Variants in GBP1 observed in about 807,000 individuals in gnomAD.
GBP1 encodes guanylate-binding protein 1.
A neutral mutation model predicts 69.5 loss-of-function variants in GBP1; 64 were observed. The observed-to-expected ratio is 0.92, with a 90% CI of 0.75 to 1.13. The LOEUF (loss-of-function observed/expected upper bound fraction) is 1.13. Among genes scored for constraint, GBP1 ranks in the 50% most tolerant of loss-of-function variants. GBP1 has a pLI of 0.00. For synonymous variants in GBP1, 250 were observed against 261.2 expected, an observed-to-expected ratio of 0.96 and a Z score of 0.41; for missense variants, 630 against 704.1, an observed-to-expected ratio of 0.89 and a Z score of 1.19.
rs568563761 is a variant in GBP1 at position 89,060,561 on chromosome 1, C to CA, written c.191-238dup. 1.4e-3 allele frequency among the ~76,000 whole-genome samples: 218 copies of CA among 152,308 alleles called. 6 individuals carry two copies. In the South Asian group the frequency reaches 0.044, roughly 31 times the overall value. On this transcript the variant is annotated intron_variant, in intron 2 of 10. Coordinates refer to ENST00000370473, the MANE Select transcript of GBP1 (RefSeq NM_002053.3). ...TAGAAATAGAAAGACAGCACCTCAA[C>CA]ATAATAAATGCCATGTATTAAAAAC...
At position 89,054,965 on chromosome 1, in the gene GBP1, T is replaced by C. The variant is rs375821179; in HGVS notation, c.1472-90A>G. 1,063 of 1,473,884 alleles carry C rather than the reference T, an allele frequency of 7.2e-4. 13 individuals are homozygous for C. In the African/African-American group the frequency reaches 0.013, roughly 19 times the overall value. 91.3% of individuals were successfully genotyped at this position (1,473,884 alleles called of 1,614,324 possible). A position where few individuals can be genotyped will look rare whatever the true frequency, so the allele number is the denominator to read the frequency against. On this transcript the variant is annotated intron_variant, in intron 9 of 10. Coordinates refer to ENST00000370473, the MANE Select transcript of GBP1 (RefSeq NM_002053.3). Reference sequence around the variant, plus strand: ...ACACTTACCTGTCGTTGTTGCTGACTGCATATGCCCTACTCAGAGATGACC... The same window carrying C: ...ACACTTACCTGTCGTTGTTGCTGACCGCATATGCCCTACTCAGAGATGACC...
chr1:89,062,934 T>C, intron 2 of GBP1, 111 bp downstream of exon 2: 2 of 1,336,644 alleles, frequency 1.5e-6, no homozygotes, highest in Non-Finnish European at 1.0e-6. Context: ...GAATGGAAAG[T>C]TAGCTTTCAG....
intron 4 of GBP1, 115 bp from the exon 5 acceptor site, chr1:89,059,158 AG>A: frequency 1.3e-6 from 2 of 1,586,850 alleles, no homozygotes; most frequent in Non-Finnish European, 1.7e-6. Context: ...TGTCAGTGTC[AG>A]TTCTAAAGTG....
intron 6 of GBP1, among the ~76,000 whole-genome samples, chr1:89,057,362 G>A (rs548922306): frequency 1.3e-5 from 2 of 152,236 alleles, no homozygotes; most frequent in Admixed American, 1.3e-4. Flanking sequence ...CAACATTTGA[G>A]AGTTCTTGTA....
At chr1:89,062,749 A>G (rs1345137264) in intron 2 of GBP1, 2 of 283,164 alleles carry the variant, frequency 7.1e-6, no homozygotes, top group Non-Finnish European at 6.7e-6. Context: ...TGTAATAAAC[A>G]TTGTATAGTT....
rs771169306 is a variant in GBP1, at chr1:89,057,154, G to A, written c.875-20C>T. ...CTAGACCTGCATATGAAGAACAAAT[G>A]ATAATGTTTCTGGTGGTAAAGAAAG... On this transcript the variant is annotated intron_variant, in intron 6 of 10. Transcript: ENST00000370473. 3 of 1,612,424 alleles carry A rather than the reference G, an allele frequency of 1.9e-6. No homozygotes were observed. In the South Asian group the frequency reaches 3.3e-5, roughly 18 times the overall value.
intron 8 of GBP1, chr1:89,055,664 C>T: frequency 2.6e-6 from 1 of 390,526 alleles, no homozygotes; most frequent in East Asian, 6.0e-5. Context: ...ACCCACCTGA[C>T]CTGTAAAGCC....
intron 6 of GBP1, 77 bp downstream of exon 6, chr1:89,057,915 T>A: frequency 7.0e-7 from 1 of 1,423,884 alleles, no homozygotes; most frequent in Non-Finnish European, 9.5e-7. Flanking sequence ...GATTTTTCAA[T>A]GCTGAAACTA....
chr1:89,058,387 T>C (rs1162527093), intron 5 of GBP1, 153 bp from the exon 6 acceptor site: 6 of 642,854 alleles, frequency 9.3e-6, no homozygotes, highest in Non-Finnish European at 1.6e-5. Context: ...TTAGACAATA[T>C]GTAAATGAAT....
chr1:89,056,373 C>A, intron 7 of GBP1, 145 bp from the exon 8 acceptor site: 1 of 1,378,762 alleles, frequency 7.3e-7, no homozygotes, highest in Non-Finnish European at 9.9e-7. Context: ...ACTCTTCCTT[C>A]TGACCCCACT....
Position 89,054,744 on chromosome 1 carries a change from T to C in GBP1, c.1603A>G (p.Met535Val), listed in dbSNP as rs530577122. 6.8e-6 allele frequency: 11 copies of C among 1,614,226 alleles called. No homozygotes were observed. The highest frequency in any genetic ancestry group is 1.7e-4 in the Middle Eastern group (1 of 6,060). ...AGCAACTGGACCCTGTCGTTCTCCA[T>C]CTTCTCAGTCAGTTGTTTCAAGTGT... is the stretch of plus-strand genomic sequence containing the variant. ...QEHLKQLTEK[M>V]ENDRVQLLKE... is the part of the protein sequence containing the mutation. The change falls in exon 10 of 11, where the codon ATG becomes GTG. Residue 535 changes from methionine (M) to valine (V), a missense_variant. Met to Val is a conservative substitution (Grantham distance 21). Around this residue, in one of 5 missense-constraint regions of GBP1, gnomAD observed 71 missense variants for 72.7 expected, o/e 0.98. Coordinates refer to ENST00000370473, the MANE Select transcript of GBP1 (RefSeq NM_002053.3).
At chr1:89,059,205 T>C in intron 4 of GBP1, 112 bp downstream of exon 4, 5 of 1,606,864 alleles carry the variant, frequency 3.1e-6, no homozygotes, top group Non-Finnish European at 3.4e-6. Flanking sequence ...TTGCATTATT[T>C]TTTGTTTTCT....
At chr1:89,059,274 G>T (rs1293739340) in intron 4 of GBP1, 43 bp downstream of exon 4, 1 of 1,613,992 alleles carries the variant, frequency 6.2e-7, no homozygotes, top group Non-Finnish European at 8.5e-7. Flanking sequence ...GAATACAGGT[G>T]TCCCCTCTGA....
chr1:89,060,359 T>C, intron 2 of GBP1, 35 bp from the exon 3 acceptor site: 1 of 1,513,048 alleles, frequency 6.6e-7, no homozygotes, highest in South Asian at 1.3e-5. Flanking sequence ...GATGGGGATT[T>C]AGTAACAGGC....
intron 2 of GBP1, 117 bp downstream of exon 2, chr1:89,062,928 G>A (rs749469118): frequency 9.9e-5 from 125 of 1,268,340 alleles, no homozygotes; most frequent in Non-Finnish European, 1.4e-4. Flanking sequence ...GACTGTGAAT[G>A]GAAAGTTAGC....
Position 89,053,173 on chromosome 1 carries a change from A to G in GBP1, c.*182T>C. The G allele has an allele frequency of 1.9e-6, 1 of 514,614 alleles. No homozygotes were observed. The highest frequency in any genetic ancestry group is 3.3e-5 in the East Asian group (1 of 29,896). The allele number at this position is 514,614 out of a possible 1,614,324, so 31.9% of individuals were successfully genotyped here. A position where few individuals can be genotyped will look rare whatever the true frequency, so the allele number is the denominator to read the frequency against. ...GAGGTAAATGCATCTTTGTTGCACA[A>G]TTTACAGTCTTTTTTTTTTTTTAAG... On this transcript the variant is annotated 3_prime_UTR_variant, in exon 11 of 11. Transcript: ENST00000370473.
chr1:89,060,966 G>A (rs550524046), intron 2 of GBP1, among the ~76,000 whole-genome samples: 1 of 152,262 alleles, frequency 6.6e-6, no homozygotes, highest in South Asian at 2.1e-4. Flanking sequence ...AAACTACTTA[G>A]GAATCAGCTT....
chr1:89,056,084 G>A lies in GBP1; in HGVS notation c.1300C>T (p.Arg434Cys), dbSNP rs762789896. The A allele has an allele frequency of 9.9e-6, 16 of 1,613,756 alleles. No homozygotes were observed. Among genetic ancestry groups the A allele is most frequent in the African/African-American group, 1.3e-5 (1 of 74,888 alleles). Residue 434 changes from arginine to cysteine, a missense_variant, in exon 8 of 11, where the codon CGT (arginine) becomes TGT (cysteine). Physicochemically the swap from Arg to Cys is radical, Grantham distance 180 (BLOSUM62 -3). Transcript: ENST00000370473. ...AGIYSKPGGY[R>C]LFVQKLQDLK... The stretch of plus-strand genomic sequence containing the variant: ...TCTTGTAGCTTCTGAACAAAGAGAC[G>A]ATAGCCCCCTGGTTTCGAATAAATT...
rs1289399006 is a variant in GBP1, at chr1:89,053,034, C to T, written c.*321G>A. 1.5e-5 allele frequency: 3 copies of T among 204,836 alleles called. No individual in the cohort carries two copies. Among genetic ancestry groups the T allele is most frequent in the Non-Finnish European group, 2.9e-5 (3 of 103,536 alleles). The allele number at this position is 204,836 out of a possible 1,614,324, so 12.7% of individuals were successfully genotyped here. ...TGGCCAGACCAATGCCCAAATATTT[C>T]CCAAGACTTTTACCTAAGACTCTGC... is the stretch of plus-strand genomic sequence containing the variant. On this transcript the variant is annotated 3_prime_UTR_variant, in exon 11 of 11. Transcript: ENST00000370473.
Sources: gnomAD v4.1 joint callset for allele counts (sites outside exome capture counted in the v4.1 genomes callset) on GRCh38, gnomAD v4.1.1 for gene constraint, gnomAD v4.1.1 regional missense constraint, MANE v1.5 for transcripts, NCBI Gene and HGNC (gene_info 2026-07-23, HGNC 2026-07-21) for gene names.